Variants in TM9SF4 observed in about 807,000 individuals in gnomAD.
The protein encoded by TM9SF4 is dinucleotide oxidase disulfide thiol exchanger 3 superfamily member 4.
TM9SF4 carries 26 observed loss-of-function variants against 90.4 expected under a neutral mutation model. The observed-to-expected ratio is 0.29, with a 90% CI of 0.21 to 0.40. The LOEUF is 0.40. Ranked by LOEUF, TM9SF4 falls within the 10% of genes least tolerant of loss-of-function variation. TM9SF4 has a pLI of 1.00. For missense variants in TM9SF4, 549 were observed against 834.8 expected (o/e 0.66, Z 4.22); for synonymous variants, 293 against 315.4 (o/e 0.93, Z 0.75).
At chr20:32,114,399 T>C (rs760152048) in intron 1 of TM9SF4, among the ~76,000 whole-genome samples, 3 of 152,212 alleles carry the variant, frequency 2.0e-5, no homozygotes, top group Non-Finnish European at 4.4e-5. Context: ...GGCACGATCA[T>C]AGTTCACTGC....
chr20:32,123,139 G>A (rs1319371819), intron 1 of TM9SF4, among the ~76,000 whole-genome samples: 14 of 126,192 alleles, frequency 1.1e-4, no homozygotes, highest in African/African-American at 3.8e-4. Flanking sequence ...GCTTCGGCTC[G>A]GCATGAGAGG....
chr20:32,160,069 A>G lies in TM9SF4; in HGVS notation c.1647A>G (p.Ser549=). The G allele has an allele frequency of 6.2e-7, 1 of 1,614,210 alleles. No homozygotes were observed. Among genetic ancestry groups the G allele is most frequent in the South Asian group, 1.1e-5 (1 of 91,086 alleles). The change falls in exon 16 of 18, where the codon TCA becomes TCG. Residue 549 remains serine (S), a synonymous_variant. Coordinates refer to ENST00000398022, the MANE Select transcript of TM9SF4 (RefSeq NM_014742.4). ...TCATCATCCTGGTGGTATCCTGTTC[A>G]CAAATCAGCATCGTCATGGTGTACT... ...LVFIILVVSC[S]QISIVMVYFQ...
chr20:32,158,372 T>C, intron 14 of TM9SF4, 79 bp from the exon 15 acceptor site: 1 of 1,416,664 alleles, frequency 7.1e-7, no homozygotes, highest in South Asian at 1.2e-5. Flanking sequence ...GTGCTCTCTC[T>C]TCATGCCAGC....
At position 32,153,174 on chromosome 20, in the gene TM9SF4, C is replaced by T. The variant is rs192115844; in HGVS notation, c.1246-1929C>T. 3.9e-5 allele frequency among the ~76,000 whole-genome samples: 6 copies of T among 152,268 alleles called. No individual in the cohort carries two copies. In the East Asian group the frequency reaches 5.8e-4, roughly 15 times the overall value. On this transcript the variant is annotated intron_variant, in intron 12 of 17. Transcript: ENST00000398022. ...TCTGAGCTTCAGTTTCCCCATCTCTCCAATGAAGATAGCTAGGGTTAACTG... is the reference window on the plus strand; with the variant it reads ...TCTGAGCTTCAGTTTCCCCATCTCTTCAATGAAGATAGCTAGGGTTAACTG...
chr20:32,164,496 A>C (rs1432631558), intron 17 of TM9SF4, among the ~76,000 whole-genome samples: 3 of 152,124 alleles, frequency 2.0e-5, no homozygotes, highest in Non-Finnish European at 4.4e-5. Context: ...TGGGTAATAG[A>C]GGGAGACCCT....
At chr20:32,123,161 G>A (rs1301107068) in intron 1 of TM9SF4, among the ~76,000 whole-genome samples, 1 of 88,562 alleles carries the variant, frequency 1.1e-5, no homozygotes, top group African/African-American at 4.1e-5. Flanking sequence ...AGACCATGAG[G>A]AGAGGGAGAG....
At position 32,165,682 on chromosome 20, in the gene TM9SF4, C is replaced by T. The variant is rs1384781187; in HGVS notation, c.*238C>T. On this transcript the variant is annotated 3_prime_UTR_variant, in exon 18 of 18. Transcript: ENST00000398022. The stretch of plus-strand genomic sequence containing the variant: ...GTTTTTTTGTGGGTTGCTTTTTCTT[C>T]AGTGCTAAGAAAGTTCCCTCCAACA... The T allele has an allele frequency of 3.8e-6, 2 of 525,706 alleles. No homozygotes were observed. The highest frequency in any genetic ancestry group is 6.5e-5 in the East Asian group (2 of 30,918). The allele number at this position is 525,706 out of a possible 1,614,324, so 32.6% of individuals were successfully genotyped here.
intron 12 of TM9SF4, among the ~76,000 whole-genome samples, chr20:32,154,306 G>A (rs775898336): frequency 6.7e-6 from 1 of 149,882 alleles, no homozygotes; most frequent in Non-Finnish European, 1.5e-5. Flanking sequence ...GTACTACCAC[G>A]CCTGGCTAAT....
In TM9SF4 at chr20:32,145,415, T is replaced by G. The variant is rs1362498324; in HGVS notation, c.875T>G (p.Phe292Cys). 1 of 1,614,038 alleles carries G rather than the reference T, an allele frequency of 6.2e-7. No homozygotes were observed. Among genetic ancestry groups the G allele is most frequent in the Non-Finnish European group, 8.5e-7 (1 of 1,179,948 alleles). The change falls in exon 8 of 18, where the codon TTC (phenylalanine) becomes TGC (cysteine). Residue 292 changes from phenylalanine (F) to cysteine (C), a missense_variant. Phe to Cys is a radical substitution (Grantham distance 205, BLOSUM62 -2). Coordinates refer to ENST00000398022, the MANE Select transcript of TM9SF4 (RefSeq NM_014742.4). ...SIINSVVVVFFLSGILSMIII... is the reference protein window; with the variant it reads ...SIINSVVVVFCLSGILSMIII... The stretch of plus-strand genomic sequence containing the variant: ...ATTAACTCCGTTGTTGTGGTCTTCT[T>G]CCTGTCAGGTGAGAGATCTGTGGGT...
At chr20:32,162,429 G>A (rs150882769) in intron 17 of TM9SF4, among the ~76,000 whole-genome samples, 223 of 152,314 alleles carry the variant, frequency 1.5e-3, no homozygotes, top group Non-Finnish European at 2.3e-3. Context: ...ACTGCAGCCC[G>A]CGTGGGCCAG....
At chr20:32,122,293 T>G (rs1278318312) in intron 1 of TM9SF4, among the ~76,000 whole-genome samples, 19 of 88,932 alleles carry the variant, frequency 2.1e-4, no homozygotes, top group Middle Eastern at 7.5e-3. Context: ...GCGGCTGGCC[T>G]GGCGGGGGGC....
chr20:32,158,460 G>T lies in TM9SF4; in HGVS notation c.1515G>T (p.Met505Ile). The T allele has an allele frequency of 6.2e-7, 1 of 1,614,214 alleles. No homozygotes were observed. The highest frequency in any genetic ancestry group is 8.5e-7 in the Non-Finnish European group (1 of 1,180,040). ...TCTCGTTCTGTGGCAGCATCCTCAT[G>T]GCTGGGATCTTGCCCTTCGGCGCCA... ...WYMNRFVGIL[M>I]AGILPFGAMF... is the part of the protein sequence containing the mutation. Residue 505 changes from methionine (M) to isoleucine (I), a missense_variant, in exon 15 of 18, where the codon ATG (methionine) becomes ATT (isoleucine). Met to Ile is a conservative substitution (Grantham distance 10, BLOSUM62 1). Around this residue, in one of 2 missense-constraint regions of TM9SF4, gnomAD observed 495 missense variants for 711.7 expected, o/e 0.70. Coordinates refer to ENST00000398022, the MANE Select transcript of TM9SF4 (RefSeq NM_014742.4).
intron 1 of TM9SF4, among the ~76,000 whole-genome samples, chr20:32,113,475 G>A (rs180877829): frequency 3.4e-4 from 51 of 151,848 alleles, no homozygotes; most frequent in Non-Finnish European, 4.4e-4. Context: ...ATTGAGATGC[G>A]GGCTCATGTC....
At chr20:32,141,399 G>A in intron 3 of TM9SF4, 98 bp from the exon 4 acceptor site, 2 of 1,432,884 alleles carry the variant, frequency 1.4e-6, no homozygotes, top group Non-Finnish European at 1.9e-6. Flanking sequence ...GTCCTTGAAA[G>A]CCCATGTTTG....
chr20:32,126,502 C>A (rs556752019), intron 1 of TM9SF4, among the ~76,000 whole-genome samples: 1 of 152,264 alleles, frequency 6.6e-6, no homozygotes, highest in South Asian at 2.1e-4. Flanking sequence ...CTTAGATTTG[C>A]ACTCCTTCCC....
At chr20:32,140,556 G>C (rs2122400195) in intron 3 of TM9SF4, among the ~76,000 whole-genome samples, 1 of 152,326 alleles carries the variant, frequency 6.6e-6, no homozygotes. Flanking sequence ...GATGATAAAA[G>C]AGCGTTTGAT....
At chr20:32,124,741 C>CA (rs1600792260) in intron 1 of TM9SF4, among the ~76,000 whole-genome samples, 1 of 152,106 alleles carries the variant, frequency 6.6e-6, no homozygotes, top group Non-Finnish European at 1.5e-5. Context: ...CGTGTGCCAC[C>CA]ACGCCTGGCT....
At chr20:32,159,701 G>T in intron 15 of TM9SF4, 1 of 436,514 alleles carries the variant, frequency 2.3e-6, no homozygotes, top group Non-Finnish European at 4.2e-6. Context: ...CTGCTCAAGT[G>T]GTGGTGGCTG....
intron 13 of TM9SF4, among the ~76,000 whole-genome samples, chr20:32,155,707 G>T (rs1273935866): frequency 6.6e-6 from 1 of 152,214 alleles, no homozygotes; most frequent in South Asian, 2.1e-4. Flanking sequence ...ACTCAGTTGT[G>T]GGGAGGGGGA....
Sources: gnomAD v4.1 joint callset for allele counts (sites outside exome capture counted in the v4.1 genomes callset) on GRCh38, gnomAD v4.1.1 for gene constraint, gnomAD v4.1.1 regional missense constraint, MANE v1.5 for transcripts, NCBI Gene and HGNC (gene_info 2026-07-23, HGNC 2026-07-21) for gene names.